The following ADAMTSL1 variants were observed in gnomAD, a reference collection of about 807,000 sequenced individuals.
The protein encoded by ADAMTSL1 is ADAMTS like 1, also known as ADAMTS-like protein 1.
In ADAMTSL1, 126 loss-of-function variants were observed where a neutral mutation model predicts 201.8. The observed-to-expected ratio is 0.62, with a 90% confidence interval of 0.54 to 0.72. The LOEUF is 0.72. Among genes scored for constraint, ADAMTSL1 ranks in the 30% least tolerant of loss-of-function variants. The pLI is 0.00. For missense variants in ADAMTSL1, 2,679 were observed against 2,277.8 expected (o/e 1.18, Z -3.59); for synonymous variants, 1,121 against 903.4 (o/e 1.24, Z -4.32).
At chr9:18,621,556 C>A (rs1332710) in intron 4 of ADAMTSL1, among the ~76,000 whole-genome samples, 318 of 143,734 alleles carry the variant, frequency 2.2e-3, no homozygotes, top group African/African-American at 8.0e-3. Flanking sequence ...CCGTCCTCTT[C>A]CACACACACA....
chr9:17,908,847 G>A (rs1481195725), intron 1 of ADAMTSL1, among the ~76,000 whole-genome samples: 1 of 152,118 alleles, frequency 6.6e-6, no homozygotes, highest in African/African-American at 2.4e-5. Context: ...GTAATGGGAT[G>A]GCTGGGTCAA....
At chr9:18,802,262 C>A (rs980062636) in intron 20 of ADAMTSL1, among the ~76,000 whole-genome samples, 4 of 152,034 alleles carry the variant, frequency 2.6e-5, no homozygotes, top group Non-Finnish European at 5.9e-5. Flanking sequence ...CAGAGTAAGA[C>A]CCTGTCTCCA....
chr9:18,371,889 C>T (rs1216619202), intron 2 of ADAMTSL1, among the ~76,000 whole-genome samples: 3 of 152,172 alleles, frequency 2.0e-5, no homozygotes, highest in Non-Finnish European at 4.4e-5. Context: ...CTGGGCTCAG[C>T]TCTGATGTTA....
intron 1 of ADAMTSL1, among the ~76,000 whole-genome samples, chr9:18,119,789 C>G (rs887132704): frequency 6.6e-6 from 1 of 152,078 alleles, no homozygotes. Context: ...GCTTCACTCT[C>G]ACCCTTTGCC....
intron 2 of ADAMTSL1, among the ~76,000 whole-genome samples, chr9:18,529,704 A>G (rs1226090871): frequency 1.3e-5 from 2 of 152,164 alleles, no homozygotes; most frequent in Non-Finnish European, 1.5e-5. Context: ...TCACAATTTG[A>G]TAATGTCTTT....
chr9:18,819,283 C>G (rs1316780041), intron 21 of ADAMTSL1, among the ~76,000 whole-genome samples: 1 of 151,986 alleles, frequency 6.6e-6, no homozygotes, highest in African/African-American at 2.4e-5. Context: ...TGGTGAAACC[C>G]TATCTCTACT....
intron 23 of ADAMTSL1, among the ~76,000 whole-genome samples, chr9:18,880,512 A>G (rs1013139888): frequency 2.0e-5 from 3 of 152,232 alleles, no homozygotes; most frequent in South Asian, 4.1e-4. Context: ...TGCATTGTCA[A>G]TAACCAGTAA....
chr9:18,409,514 C>T (rs1035664663), intron 2 of ADAMTSL1, among the ~76,000 whole-genome samples: 8 of 151,486 alleles, frequency 5.3e-5, no homozygotes, highest in Non-Finnish European at 8.8e-5. Flanking sequence ...CATTTGCATG[C>T]CATGCAGTCA....
chr9:18,684,596 C>T, intron 12 of ADAMTSL1, 120 bp from the exon 13 acceptor site: 1 of 1,151,238 alleles, frequency 8.7e-7, no homozygotes, highest in South Asian at 2.4e-5. Context: ...GCAATTTACC[C>T]AAAAACTTAT....
chr9:18,464,693 A>T (rs1820934177), intron 2 of ADAMTSL1, among the ~76,000 whole-genome samples: 1 of 152,350 alleles, frequency 6.6e-6, no homozygotes, highest in African/African-American at 2.4e-5. Flanking sequence ...GTTCATAGCC[A>T]ATTTCCTTTT....
At chr9:18,156,473 AAGG>A (rs1477349205) in intron 1 of ADAMTSL1, among the ~76,000 whole-genome samples, 1 of 152,000 alleles carries the variant, frequency 6.6e-6, no homozygotes, top group Non-Finnish European at 1.5e-5. Flanking sequence ...ACAATCCAAA[AAGG>A]TTGATTTCTA....
intron 1 of ADAMTSL1, among the ~76,000 whole-genome samples, chr9:18,128,143 G>A (rs149169996): frequency 2.6e-5 from 4 of 152,218 alleles, no homozygotes; most frequent in East Asian, 3.9e-4. Context: ...AAAGGCTTCT[G>A]GGTATGCAAA....
intron 1 of ADAMTSL1, among the ~76,000 whole-genome samples, chr9:18,136,327 TG>T (rs1160243894): frequency 1.3e-5 from 2 of 152,184 alleles, no homozygotes; most frequent in African/African-American, 4.8e-5. Flanking sequence ...AGCTGCCACT[TG>T]GAAACCACTG....
At chr9:18,391,824 CTTTTTTTTTTT>C (rs11407945) in intron 2 of ADAMTSL1, among the ~76,000 whole-genome samples, 1 of 116,728 alleles carries the variant, frequency 8.6e-6, no homozygotes, top group East Asian at 2.5e-4. Context: ...TCTTTTCTTT[CTTTTTTTTTTT>C]TTTTTTTGAG....
intron 1 of ADAMTSL1, among the ~76,000 whole-genome samples, chr9:18,495,958 C>T (rs539629308): frequency 7.6e-4 from 115 of 152,254 alleles, no homozygotes; most frequent in African/African-American, 2.6e-3. Context: ...AAACGTATTT[C>T]CAGGCATTTC....
At chr9:18,534,668 T>C (rs906666088) in intron 3 of ADAMTSL1, among the ~76,000 whole-genome samples, 3 of 152,218 alleles carry the variant, frequency 2.0e-5, no homozygotes, top group Non-Finnish European at 4.4e-5. Context: ...CAGCAGACTT[T>C]TGCCTGGACA....
At chr9:17,931,593 C>G (rs994639763) in intron 1 of ADAMTSL1, among the ~76,000 whole-genome samples, 5 of 152,200 alleles carry the variant, frequency 3.3e-5, no homozygotes, top group Non-Finnish European at 7.4e-5. Context: ...CCACATCGTG[C>G]CTCTTTCAGC....
intron 1 of ADAMTSL1, among the ~76,000 whole-genome samples, chr9:18,001,138 A>G (rs1429286679): frequency 6.6e-6 from 1 of 152,206 alleles, no homozygotes; most frequent in South Asian, 2.1e-4. Flanking sequence ...GGCAGTCACT[A>G]TCCTGGTCTT....
intron 2 of ADAMTSL1, among the ~76,000 whole-genome samples, chr9:18,414,707 A>G (rs1044009462): frequency 2.0e-5 from 3 of 152,224 alleles, no homozygotes; most frequent in Admixed American, 6.5e-5. Context: ...AGACCAAGAT[A>G]GAGGCTGTAC....
Sources: gnomAD v4.1 joint callset for allele counts (sites outside exome capture counted in the v4.1 genomes callset) on GRCh38, gnomAD v4.1.1 for gene constraint, MANE v1.5 for transcripts, NCBI Gene and HGNC (gene_info 2026-07-23, HGNC 2026-07-21) for gene names.